The following RNLS variants were observed in gnomAD, a reference collection of about 807,000 sequenced individuals.
The protein encoded by RNLS is renalase, FAD dependent amine oxidase.
A neutral mutation model predicts 39.8 loss-of-function variants in RNLS; 39 were observed. The ratio of observed to expected loss-of-function variants is 0.98; its 90% confidence interval spans 0.76 to 1.28. RNLS has a LOEUF of 1.28. Among genes scored for constraint, RNLS ranks in the 50% most tolerant of loss-of-function variants. RNLS has a pLI of 0.00. For missense variants in RNLS, 410 were observed against 413.3 expected (o/e 0.99, Z 0.07); for synonymous variants, 147 against 150.7 (o/e 0.98, Z 0.18).
At chr10:88,515,471 G>T (rs879561443) in intron 4 of RNLS, among the ~76,000 whole-genome samples, 1 of 151,904 alleles carries the variant, frequency 6.6e-6, no homozygotes, top group Non-Finnish European at 1.5e-5. Flanking sequence ...AATTGCTACT[G>T]GTCATTCAAG....
intron 4 of RNLS, among the ~76,000 whole-genome samples, chr10:88,497,306 T>C (rs560242321): frequency 2.4e-4 from 36 of 152,040 alleles, no homozygotes; most frequent in Non-Finnish European, 3.2e-4. Flanking sequence ...TAATTCTAAG[T>C]TTAACATTAA....
chr10:88,382,735 T>C (rs1851625553), intron 4 of RNLS, among the ~76,000 whole-genome samples: 2 of 151,988 alleles, frequency 1.3e-5, no homozygotes, highest in South Asian at 4.1e-4. Flanking sequence ...TCTTGATGAG[T>C]TGACAGATAT....
chr10:88,212,363 G>A, the RNLS span, among the ~76,000 whole-genome samples: 1 of 152,270 alleles, frequency 6.6e-6, no homozygotes, highest in Admixed American at 6.5e-5. Context: ...TGTCCTGTGT[G>A]TATGTAATAC....
the RNLS span, among the ~76,000 whole-genome samples, chr10:88,265,719 T>C: frequency 9.2e-5 from 14 of 152,220 alleles, no homozygotes; most frequent in Admixed American, 3.9e-4. Flanking sequence ...CTAACTTTGC[T>C]GAATGTATTT....
intron 4 of RNLS, among the ~76,000 whole-genome samples, chr10:88,391,936 A>G (rs1751367714): frequency 6.6e-6 from 1 of 152,220 alleles, no homozygotes; most frequent in Admixed American, 6.5e-5. Context: ...CATGATAAAC[A>G]CTGGCAGTCT....
chr10:88,243,874 T>C, the RNLS span, among the ~76,000 whole-genome samples: 2 of 152,214 alleles, frequency 1.3e-5, no homozygotes, highest in Non-Finnish European at 2.9e-5. Context: ...ACATTACCCA[T>C]CCATTTCACT....
the RNLS span, among the ~76,000 whole-genome samples, chr10:88,238,744 A>G: frequency 6.6e-6 from 1 of 152,206 alleles, no homozygotes; most frequent in Non-Finnish European, 1.5e-5. Flanking sequence ...AGGTTACACA[A>G]AGTGGCACAG....
chr10:88,451,933 G>A (rs1842383350), intron 4 of RNLS, among the ~76,000 whole-genome samples: 1 of 152,190 alleles, frequency 6.6e-6, no homozygotes, highest in South Asian at 2.1e-4. Flanking sequence ...TTTTGTTCGG[G>A]TCCCAGGTGA....
chr10:88,408,067 A>G (rs1248170154), intron 4 of RNLS, among the ~76,000 whole-genome samples: 2 of 152,132 alleles, frequency 1.3e-5, no homozygotes, highest in Non-Finnish European at 1.5e-5. Flanking sequence ...GGCACATATT[A>G]TATACATGCA....
chr10:88,282,133 AG>A (rs1236151916), downstream of RNLS, among the ~76,000 whole-genome samples: 1 of 152,142 alleles, frequency 6.6e-6, no homozygotes, highest in East Asian at 1.9e-4. Context: ...TGAATCACTT[AG>A]CCAGTACTTA....
chr10:88,231,968 G>GTGTGTGTGTC, the RNLS span, among the ~76,000 whole-genome samples: 1 of 142,178 alleles, frequency 7.0e-6, no homozygotes, highest in Non-Finnish European at 1.5e-5. Flanking sequence ...GTGTGTGTGT[G>GTGTGTGTGTC]TGTCTGTCTC....
At chr10:88,209,026 T>G in the RNLS span, among the ~76,000 whole-genome samples, 2 of 152,274 alleles carry the variant, frequency 1.3e-5, no homozygotes, top group Middle Eastern at 3.4e-3. Context: ...ATTAATCGGA[T>G]AGCTTTTCCC....
intron 4 of RNLS, among the ~76,000 whole-genome samples, chr10:88,410,281 T>C (rs1436143966): frequency 3.3e-5 from 5 of 152,286 alleles, no homozygotes; most frequent in Non-Finnish European, 5.9e-5. Flanking sequence ...ATTTCGACCA[T>C]AATTTAATAT....
At chr10:88,563,666 C>T (rs944068122) in intron 4 of RNLS, among the ~76,000 whole-genome samples, 2 of 151,926 alleles carry the variant, frequency 1.3e-5, no homozygotes, top group Non-Finnish European at 2.9e-5. Context: ...GTTTTGCGTA[C>T]CAGAGCATTA....
intron 4 of RNLS, among the ~76,000 whole-genome samples, chr10:88,366,873 C>T (rs780053797): frequency 1.4e-4 from 21 of 151,604 alleles, no homozygotes; most frequent in Non-Finnish European, 2.8e-4. Flanking sequence ...CAAGAACCAA[C>T]TCACGGCCAG....
At chr10:88,324,001 T>C (rs147085618) in intron 5 of RNLS, among the ~76,000 whole-genome samples, 68 of 152,200 alleles carry the variant, frequency 4.5e-4, no homozygotes, top group African/African-American at 1.6e-3. Context: ...TCACTAATCA[T>C]CAGAGAAATG....
chr10:88,360,840 G>C (rs1215981611), intron 5 of RNLS, among the ~76,000 whole-genome samples: 1 of 152,236 alleles, frequency 6.6e-6, no homozygotes, highest in Non-Finnish European at 1.5e-5. Flanking sequence ...GAGTGGAAGA[G>C]AGCAGAGAAA....
chr10:88,439,296 T>C (rs1183739347), intron 4 of RNLS, among the ~76,000 whole-genome samples: 3 of 152,232 alleles, frequency 2.0e-5, no homozygotes, highest in Admixed American at 1.3e-4. Context: ...TGGTGTAATT[T>C]AATTTAACCT....
chr10:88,447,818 C>T (rs1479800379), intron 4 of RNLS, among the ~76,000 whole-genome samples: 2 of 152,196 alleles, frequency 1.3e-5, no homozygotes, highest in South Asian at 4.2e-4. Context: ...AGATATAGAC[C>T]AAGGGAACAG....
Sources: gnomAD v4.1 joint callset for allele counts (sites outside exome capture counted in the v4.1 genomes callset) on GRCh38, gnomAD v4.1.1 for gene constraint, MANE v1.5 for transcripts, NCBI Gene and HGNC (gene_info 2026-07-23, HGNC 2026-07-21) for gene names.